The following MACF1 variants were observed in gnomAD, a reference collection of about 807,000 sequenced individuals.
MACF1 encodes the protein microtubule-actin cross-linking factor 1.
In MACF1, 193 loss-of-function variants were observed where a neutral mutation model predicts 854.8. The ratio of observed to expected loss-of-function variants is 0.23; its 90% confidence interval spans 0.20 to 0.25. MACF1 has a LOEUF of 0.25. Ranked by LOEUF, MACF1 falls within the 10% of genes least tolerant of loss-of-function variation. The pLI, the probability that MACF1 is intolerant of heterozygous loss-of-function variation, is 1.00. For synonymous variants in MACF1, 3,185 were observed against 3,226.7 expected (o/e 0.99, Z 0.44); for missense variants, 7,722 against 8,929.1 (o/e 0.86, Z 5.45).
chr1:39,464,689 G>T, intron 94 of MACF1: 1 of 185,456 alleles, frequency 5.4e-6, no homozygotes, highest in Non-Finnish European at 1.1e-5. Context: ...GCGAGCGAGC[G>T]GATCACTTGA....
At position 39,427,535 on chromosome 1, in the gene MACF1, T is replaced by G; in HGVS notation, c.16397T>G (p.Val5466Gly). ...GAGCCTATTTCTGACTTCTTATCTG[T>G]CACAGAGAAAAAGCTTGCTAACTCA... ...TAEPISDFLS[V>G]TEKKLANSEP... is the part of the protein sequence containing the mutation. Residue 5466 changes from valine to glycine, a missense_variant, in exon 62 of 101, where the codon GTC becomes GGC. Around this residue, in one of 15 missense-constraint regions of MACF1, gnomAD observed 2,807 missense variants for 3,235.8 expected, o/e 0.87. Transcript: ENST00000564288. 1 of 1,614,106 alleles carries G rather than the reference T, an allele frequency of 6.2e-7. No individual in the cohort carries two copies. Among genetic ancestry groups the G allele is most frequent in the Non-Finnish European group, 8.5e-7 (1 of 1,179,978 alleles).
chr1:39,222,014 T>TCACA (rs1180132842), intron 1 of MACF1, among the ~76,000 whole-genome samples: 1 of 152,220 alleles, frequency 6.6e-6, no homozygotes, highest in Admixed American at 6.5e-5. Context: ...TGGTTGCTCA[T>TCACA]CACACTGCTA....
chr1:39,283,251 C>G lies in MACF1; in HGVS notation c.758C>G (p.Ala253Gly). 1 of 1,613,918 alleles carries G rather than the reference C, an allele frequency of 6.2e-7. No homozygotes were observed. The highest frequency in any genetic ancestry group is 8.5e-7 in the Non-Finnish European group (1 of 1,179,890). The change falls in exon 8 of 101, where the codon GCT becomes GGT. Residue 253 changes from alanine to glycine, a missense_variant. Transcript: ENST00000564288. The surrounding 1 kb of genome is among the most constrained non-coding windows in gnomAD (Gnocchi z 4.5). ...IQSNRENLEQ[A>G]FEVAERLGVT... ...AGTAACCGAGAGAATCTGGAACAGG[C>G]TTTTGAAGTGGCAGAAAGACTGGGG... is the stretch of plus-strand genomic sequence containing the variant.
At chr1:39,314,273 G>A (rs959091638) in intron 26 of MACF1, among the ~76,000 whole-genome samples, 1 of 152,106 alleles carries the variant, frequency 6.6e-6, no homozygotes, top group African/African-American at 2.4e-5. Flanking sequence ...GCCAGGCATG[G>A]TGGCGTGTGC....
At chr1:39,301,067 C>G (rs989887034) in intron 22 of MACF1, among the ~76,000 whole-genome samples, 1 of 151,998 alleles carries the variant, frequency 6.6e-6, no homozygotes, top group Non-Finnish European at 1.5e-5. Flanking sequence ...TGTCAGCCTC[C>G]CCATTTAGTG....
At chr1:39,191,515 A>G (rs1005975155) in intron 2 of MACF1, among the ~76,000 whole-genome samples, 5 of 152,226 alleles carry the variant, frequency 3.3e-5, no homozygotes, top group Non-Finnish European at 7.3e-5. Flanking sequence ...AAAAAAACAG[A>G]TGCTGTCGTT....
chr1:39,138,072 CAAAAAAAAAAAAA>C lies in MACF1; in HGVS notation c.220+53645_220+53657del, dbSNP rs1213606775. ...CTGGGTAACAGTCGAGACTCCATCT[CAAAAAAAAAAAAA>C]AAAAAAAAAAGTCTGAAACAGTATT... On this transcript the variant is annotated intron_variant, in intron 2 of 93. Coordinates refer to the MACF1 transcript ENST00000361689. 4.5e-3 allele frequency among the ~76,000 whole-genome samples: 227 copies of C among 50,348 alleles called. 3 individuals carry two copies. The highest frequency in any genetic ancestry group is 0.015 in the African/African-American group (214 of 14,128). 33.0% of individuals were successfully genotyped at this position (50,348 alleles called of 152,430 possible).
Position 39,409,536 on chromosome 1 carries a change from C to G in MACF1, c.15817-12838C>G, listed in dbSNP as rs1642891900. On this transcript the variant is annotated intron_variant, in intron 58 of 100. Coordinates refer to ENST00000564288, the MANE Select transcript of MACF1 (RefSeq NM_001394062.1). The surrounding 1 kb of genome is among the most constrained non-coding windows in gnomAD (Gnocchi z 4.2). ...TGCTGCTGCCCGCCCGCCCGCCTGC[C>G]TTTCCGAAGGCCTGGCGCGGGGCTC... 1 of 152,350 alleles carries G rather than the reference C, an allele frequency of 6.6e-6. No homozygotes were observed. Among genetic ancestry groups the G allele is most frequent in the South Asian group, 2.1e-4 (1 of 4,862 alleles). 9.4% of individuals were successfully genotyped at this position (152,350 alleles called of 1,614,324 possible).
At chr1:39,249,982 T>C in intron 2 of MACF1, 32 bp from the exon 3 acceptor site, 1 of 1,296,658 alleles carries the variant, frequency 7.7e-7, no homozygotes, top group South Asian at 1.2e-5. Context: ...CAATATCAAA[T>C]AAAAATCTGT....
chr1:39,374,000 G>C (rs1184766729), intron 52 of MACF1, among the ~76,000 whole-genome samples: 1 of 152,064 alleles, frequency 6.6e-6, no homozygotes, highest in African/African-American at 2.4e-5. Flanking sequence ...CCAGCACTTT[G>C]GGAGGCCAAA....
intron 1 of MACF1, 70 bp downstream of exon 1, chr1:39,205,201 G>A: frequency 1.4e-6 from 1 of 696,998 alleles, no homozygotes; most frequent in Non-Finnish European, 2.6e-6. Flanking sequence ...GAATGATGGA[G>A]GTCTTCCCAG....
Position 39,309,687 on chromosome 1 carries a change from C to T in MACF1, c.2907C>T (p.Asn969=). The T allele has an allele frequency of 3.1e-6, 5 of 1,610,726 alleles. No homozygotes were observed. Among genetic ancestry groups the T allele is most frequent in the Non-Finnish European group, 4.2e-6 (5 of 1,179,136 alleles). ...RKDLDLVQTW[N]LEKLRSSAPG... ...ACCTTGACCTTGTACAGACCTGGAA[C>T]CTAGAAAAGGTAATTATGAAAACCT... The change falls in exon 24 of 101, where the codon AAC becomes AAT. Residue 969 remains asparagine (N), a synonymous_variant. Coordinates refer to ENST00000564288, the MANE Select transcript of MACF1 (RefSeq NM_001394062.1).
At chr1:39,103,155 T>G in intron 2 of MACF1, 1 of 417,556 alleles carries the variant, frequency 2.4e-6, no homozygotes, top group South Asian at 2.1e-5. Flanking sequence ...AAAAGGAATC[T>G]CAACCCCTTG....
intron 6 of MACF1, among the ~76,000 whole-genome samples, chr1:39,262,397 C>A (rs1464258957): frequency 3.6e-3 from 245 of 68,806 alleles, no homozygotes; most frequent in South Asian, 7.6e-3. Flanking sequence ...GACTCCATCA[C>A]AAAAAAAAAA....
intron 5 of MACF1, 139 bp downstream of exon 5, chr1:39,254,514 A>G (rs1645076480): frequency 4.2e-6 from 3 of 707,706 alleles, no homozygotes; most frequent in African/African-American, 1.8e-5. Flanking sequence ...TTAACTTGCT[A>G]GTGAGCAATT....
intron 2 of MACF1, among the ~76,000 whole-genome samples, chr1:39,185,516 T>A (rs994308587): frequency 4.0e-5 from 6 of 151,156 alleles, no homozygotes; most frequent in Non-Finnish European, 8.9e-5. Context: ...AAAAAAAAAT[T>A]TTTTTTTTAA....
intron 6 of MACF1, among the ~76,000 whole-genome samples, chr1:39,275,079 C>CTTT (rs765812955): frequency 5.1e-5 from 7 of 138,074 alleles, no homozygotes; most frequent in African/African-American, 7.9e-5. Flanking sequence ...CAATAAGATA[C>CTTT]TTTTTTTTTT....
At chr1:39,326,188 T>C (rs779856882) in intron 35 of MACF1, among the ~76,000 whole-genome samples, 2 of 152,178 alleles carry the variant, frequency 1.3e-5, no homozygotes, top group Admixed American at 6.5e-5. Flanking sequence ...GCTTAGGACA[T>C]ATCCATGAGT....
At chr1:39,356,098 C>G (rs186012151) in intron 44 of MACF1, among the ~76,000 whole-genome samples, 1 of 152,182 alleles carries the variant, frequency 6.6e-6, no homozygotes, top group African/African-American at 2.4e-5. Context: ...ACACTGACAA[C>G]TCCCACTGTC....
Sources: allele counts gnomAD v4.1 joint callset (sites outside exome capture counted in the v4.1 genomes callset), GRCh38; gene constraint gnomAD v4.1.1; regional missense constraint gnomAD v4.1.1; non-coding constraint Gnocchi (gnomAD v3.1); transcripts MANE v1.5; gene names NCBI Gene and HGNC (gene_info 2026-07-23, HGNC 2026-07-21).